FRAS1: variants seen among roughly 807,000 people sequenced by gnomAD.
FRAS1 encodes extracellular matrix organizing protein FRAS1.
FRAS1 carries 290 observed loss-of-function variants against 435.2 expected under a neutral mutation model. The observed-to-expected ratio is 0.67, with a 90% CI of 0.61 to 0.73. The LOEUF (loss-of-function observed/expected upper bound fraction) is 0.73, where lower values mean the gene tolerates loss of function less well. Among genes scored for constraint, FRAS1 ranks in the 30% least tolerant of loss-of-function variants. The pLI is 0.00. For missense variants in FRAS1, 4,860 were observed against 5,001.5 expected (o/e 0.97, Z 0.85); for synonymous variants, 1,800 against 1,851.0 (o/e 0.97, Z 0.71).
chr4:78,540,600 C>G lies in FRAS1; in HGVS notation c.11515C>G (p.Arg3839Gly). 6.5e-7 allele frequency: 1 copy of G among 1,539,076 alleles called. No homozygotes were observed. The change falls in exon 74 of 74, where the codon CGG becomes GGG. Residue 3839 changes from arginine to glycine, a missense_variant. Arg to Gly is a moderately radical substitution (Grantham distance 125, BLOSUM62 -2). Coordinates refer to ENST00000512123, the MANE Select transcript of FRAS1 (RefSeq NM_025074.7). Reference sequence around the variant, plus strand: ...TGGCCCTGACACCATCTCAGGGCCCCGGGTCCAGCGCTCTCTCACAGCTCC... The same window carrying G: ...TGGCCCTGACACCATCTCAGGGCCCGGGGTCCAGCGCTCTCTCACAGCTCC... ...IIGPDTISGP[R>G]VQRSLTAPLR... is the part of the protein sequence containing the mutation.
Position 78,429,214 on chromosome 4 carries a change from A to G in FRAS1, c.4831A>G (p.Ser1611Gly), listed in dbSNP as rs1378460288. 6 of 1,607,542 alleles carry G rather than the reference A, an allele frequency of 3.7e-6. No homozygotes were observed. The highest frequency in any genetic ancestry group is 5.1e-6 in the Non-Finnish European group (6 of 1,177,344). ...APRLAVSPGG[S>G]TSVGLQVVVR... The stretch of plus-strand genomic sequence containing the variant: ...ACGGCTGGCGGTCAGCCCAGGAGGC[A>G]GCACTTCTGTAGGTAAGAACTGGGA... Residue 1611 changes from serine (S) to glycine (G), a missense_variant, in exon 36 of 74, where the codon AGC (serine) becomes GGC (glycine). Transcript: ENST00000512123.
intron 2 of FRAS1, among the ~76,000 whole-genome samples, chr4:78,136,654 G>A (rs1448763352): frequency 6.6e-6 from 1 of 152,166 alleles, no homozygotes. Flanking sequence ...CATGTCGAAG[G>A]CCACACAGTT....
intron 2 of FRAS1, among the ~76,000 whole-genome samples, chr4:78,113,901 C>A (rs1184907985): frequency 6.6e-5 from 10 of 152,148 alleles, no homozygotes; most frequent in Admixed American, 3.9e-4. Context: ...GAAGTCCTTG[C>A]CCATGCCTAT....
At chr4:78,282,629 A>G (rs191781330) in intron 11 of FRAS1, among the ~76,000 whole-genome samples, 191 bp from the exon 12 acceptor site, 2 of 152,356 alleles carry the variant, frequency 1.3e-5, no homozygotes, top group East Asian at 3.9e-4. Flanking sequence ...CATTATGAAC[A>G]AAGAAAGATA....
chr4:78,161,742 C>CAAAAAAAAAAAAAAAAAAAAAAAAAAAA (rs71214399), intron 2 of FRAS1, among the ~76,000 whole-genome samples: 1 of 24,878 alleles, frequency 4.0e-5, no homozygotes, highest in African/African-American at 2.0e-4. Context: ...AACTCTGTCT[C>CAAAAAAAAAAAAAAAAAAAAAAAAAAAA]AAAAAAAAAA....
At chr4:78,357,413 C>T (rs1440942866) in intron 20 of FRAS1, among the ~76,000 whole-genome samples, 1 of 152,212 alleles carries the variant, frequency 6.6e-6, no homozygotes, top group African/African-American at 2.4e-5. Flanking sequence ...GCCCACTCTA[C>T]TATTGGAATC....
At position 78,540,896 on chromosome 4, in the gene FRAS1, G is replaced by A. The variant is rs373149321; in HGVS notation, c.11811G>A (p.Lys3937=). 2.0e-4 allele frequency: 322 copies of A among 1,613,894 alleles called. 1 individual carries two copies. Among genetic ancestry groups the A allele is most frequent in the Non-Finnish European group, 2.6e-4 (304 of 1,179,910 alleles). ...NRKCQKQRKK[K]PAEDILEEYP... ...AATGCCAGAAACAGAGGAAGAAGAA[G>A]CCCGCAGAGGACATTTTGGAAGAAT... The change falls in exon 74 of 74, where the codon AAG becomes AAA. Residue 3937 remains lysine (K), a synonymous_variant. Coordinates refer to ENST00000512123, the MANE Select transcript of FRAS1 (RefSeq NM_025074.7).
intron 29 of FRAS1, among the ~76,000 whole-genome samples, chr4:78,392,464 G>T (rs1732485004): frequency 6.6e-6 from 1 of 151,958 alleles, no homozygotes; most frequent in South Asian, 2.1e-4. Flanking sequence ...ATTTTGGGGG[G>T]AAGTTTTCAT....
At chr4:78,300,379 A>G (rs1165374627) in intron 14 of FRAS1, among the ~76,000 whole-genome samples, 1 of 152,214 alleles carries the variant, frequency 6.6e-6, no homozygotes, top group Non-Finnish European at 1.5e-5. Context: ...AGACATTTGT[A>G]AAGCAGAAGC....
chr4:78,409,020 G>A lies in FRAS1; in HGVS notation c.4308+1179G>A, dbSNP rs182028611. 2.2e-3 allele frequency among the ~76,000 whole-genome samples: 158 copies of A among 72,878 alleles called. 1 individual carries two copies. The highest frequency in any genetic ancestry group is 5.3e-3 in the African/African-American group (153 of 28,826). The allele number at this position is 72,878 out of a possible 152,430, so 47.8% of individuals were successfully genotyped here. A position where few individuals can be genotyped will look rare whatever the true frequency, so the allele number is the denominator to read the frequency against. On this transcript the variant is annotated intron_variant, in intron 31 of 73. Coordinates refer to ENST00000512123, the MANE Select transcript of FRAS1 (RefSeq NM_025074.7). ...TAGGCGGGAGGATCACTTGAGCCTGGGAGGTGGAGGATCACTTGAGCCTGG... is the reference window on the plus strand; with the variant it reads ...TAGGCGGGAGGATCACTTGAGCCTGAGAGGTGGAGGATCACTTGAGCCTGG...
At chr4:78,133,227 A>C (rs1225422132) in intron 2 of FRAS1, among the ~76,000 whole-genome samples, 1 of 152,220 alleles carries the variant, frequency 6.6e-6, no homozygotes, top group Non-Finnish European at 1.5e-5. Context: ...ACATGTATGG[A>C]ACTGGAGGTC....
intron 15 of FRAS1, among the ~76,000 whole-genome samples, chr4:78,314,112 T>C (rs1729141040): frequency 6.6e-6 from 1 of 152,202 alleles, no homozygotes; most frequent in Non-Finnish European, 1.5e-5. Context: ...CTTCTTCTTC[T>C]TTTCTTAAAT....
At chr4:78,104,607 A>C (rs1377097489) in intron 2 of FRAS1, among the ~76,000 whole-genome samples, 1 of 152,182 alleles carries the variant, frequency 6.6e-6, no homozygotes, top group Non-Finnish European at 1.5e-5. Context: ...TTTAAAGGAG[A>C]AAAGTAGGTA....
At chr4:78,237,438 T>C in intron 2 of FRAS1, 72 bp from the exon 3 acceptor site, 1 of 1,025,472 alleles carries the variant, frequency 9.8e-7, no homozygotes, top group Non-Finnish European at 1.5e-6. Flanking sequence ...GTGGGACTAT[T>C]GATGGTGCAG....
chr4:78,159,309 C>G (rs982766374), intron 2 of FRAS1, among the ~76,000 whole-genome samples: 2 of 152,014 alleles, frequency 1.3e-5, no homozygotes, highest in African/African-American at 4.8e-5. Flanking sequence ...CCAAGGAAAG[C>G]AAATAGAAAA....
intron 35 of FRAS1, among the ~76,000 whole-genome samples, chr4:78,428,837 T>C (rs1032855613): frequency 1.3e-5 from 2 of 152,330 alleles, no homozygotes; most frequent in African/African-American, 2.4e-5. Context: ...AGTAGCCTCT[T>C]AGAATGATTT....
At chr4:78,372,237 T>G (rs949883306) in intron 23 of FRAS1, among the ~76,000 whole-genome samples, 1 of 152,216 alleles carries the variant, frequency 6.6e-6, no homozygotes, top group Non-Finnish European at 1.5e-5. Flanking sequence ...TGCCTGGTTT[T>G]GAGAGATAGA....
intron 30 of FRAS1, among the ~76,000 whole-genome samples, chr4:78,403,176 T>C (rs988980579): frequency 4.6e-5 from 7 of 152,156 alleles, no homozygotes; most frequent in African/African-American, 1.7e-4. Context: ...TTCTCTACCT[T>C]TATCTTCATC....
At chr4:78,231,650 T>C (rs1377781535) in intron 2 of FRAS1, among the ~76,000 whole-genome samples, 1 of 152,144 alleles carries the variant, frequency 6.6e-6, no homozygotes, top group Non-Finnish European at 1.5e-5. Flanking sequence ...ACAGTTGATA[T>C]ACTGCTCTTT....
Sources: gnomAD v4.1 joint callset for allele counts (sites outside exome capture counted in the v4.1 genomes callset) on GRCh38, gnomAD v4.1.1 for gene constraint, MANE v1.5 for transcripts, NCBI Gene and HGNC (gene_info 2026-07-23, HGNC 2026-07-21) for gene names.